IL13RA1: variants seen among roughly 807,000 people sequenced by gnomAD.
IL13RA1 encodes interleukin-13 receptor subunit alpha-1.
A neutral mutation model predicts 33.8 loss-of-function variants in IL13RA1; 14 were observed. The ratio of observed to expected loss-of-function variants is 0.41; its 90% confidence interval spans 0.27 to 0.65. IL13RA1 has a LOEUF of 0.65. IL13RA1 is among the 30% of genes least tolerant of loss of function. The pLI, the probability that IL13RA1 is intolerant of heterozygous loss-of-function variation, is 0.28. For missense variants in IL13RA1, 313 were observed against 327.0 expected (o/e 0.96, Z 0.33); for synonymous variants, 116 against 115.7 (o/e 1.00, Z -0.02).
intron 3 of IL13RA1, 109 bp downstream of exon 3, chrX:118,747,201 C>A: frequency 2.0e-6 from 1 of 490,413 alleles, no homozygotes; most frequent in East Asian, 3.6e-5. Context: ...TTTTCTGAGT[C>A]TAATAAGTGC....
intron 10 of IL13RA1, among the ~76,000 whole-genome samples, chrX:118,782,393 C>G (rs2017854202): frequency 9.0e-6 from 1 of 110,915 alleles, no homozygotes; most frequent in Admixed American, 9.6e-5. Flanking sequence ...CACTTATTAG[C>G]TGACAGGTAT....
At chrX:118,766,489 T>G in intron 6 of IL13RA1, 41 bp from the exon 7 acceptor site, 1 of 692,490 alleles carries the variant, frequency 1.4e-6, no homozygotes, top group Non-Finnish European at 2.3e-6. Flanking sequence ...TTTTTAAACA[T>G]TTAGGACTCA....
the IL13RA1 span, among the ~76,000 whole-genome samples, chrX:118,800,025 G>GT: frequency 1.5e-4 from 16 of 108,748 alleles, no homozygotes; most frequent in African/African-American, 5.4e-4. Flanking sequence ...CTCAAGGTTT[G>GT]TGAGTGCACC....
rs775057143 is a variant in IL13RA1 at position 118,777,030 on chromosome X, C to G, written c.1191+519C>G. 2.5e-3 allele frequency among the ~76,000 whole-genome samples: 263 copies of G among 105,927 alleles called. 1 individual carries two copies. Among genetic ancestry groups the G allele is most frequent in the African/African-American group, 7.5e-3 (218 of 28,946 alleles). 92.0% of individuals were successfully genotyped at this position (105,927 alleles called of 115,157 possible). ...ATATATATATATATATACACACATA[C>G]AGTTTAGTGTCATTAAATACATTTA... is the stretch of plus-strand genomic sequence containing the variant. On this transcript the variant is annotated intron_variant, in intron 10 of 10. Transcript: ENST00000371666.
Position 118,727,732 on chromosome X carries a change from TGCGACCCTC to T in IL13RA1, c.88+8_88+16del. On this transcript the variant is annotated splice_region_variant and intron_variant, in intron 1 of 10. Transcript: ENST00000371666. ...CGGGGGCGCCGCGCCTACGGGTGAG[TGCGACCCTC>T]GGGGCCCGAGGGGCGGCCGGAGGGC... is the stretch of plus-strand genomic sequence containing the variant. The T allele has an allele frequency of 1.2e-6, 1 of 812,262 alleles. No individual in the cohort carries two copies. Among genetic ancestry groups the T allele is most frequent in the Non-Finnish European group, 1.5e-6 (1 of 657,791 alleles). The allele number at this position is 812,262 out of a possible 1,213,427, so 66.9% of individuals were successfully genotyped here. A position where few individuals can be genotyped will look rare whatever the true frequency, so the allele number is the denominator to read the frequency against.
chrX:118,730,673 C>G (rs1359860670), intron 1 of IL13RA1, among the ~76,000 whole-genome samples: 1 of 111,535 alleles, frequency 9.0e-6, no homozygotes, highest in Non-Finnish European at 1.9e-5. Flanking sequence ...AAGGAGGAAG[C>G]AAGCAGGGAG....
chrX:118,746,304 G>A (rs1208631518), intron 2 of IL13RA1, among the ~76,000 whole-genome samples: 1 of 110,613 alleles, frequency 9.0e-6, no homozygotes, highest in Non-Finnish European at 1.9e-5. Flanking sequence ...TTGTACAGAT[G>A]GGGTTTTGCC....
At chrX:118,751,433 TTAAG>T (rs2017468501) in intron 4 of IL13RA1, among the ~76,000 whole-genome samples, 2 of 111,698 alleles carry the variant, frequency 1.8e-5, no homozygotes, top group Admixed American at 1.9e-4. Flanking sequence ...CTGCATTAAA[TTAAG>T]TAAGACAGTG....
chrX:118,771,590 G>C (rs1036729529), intron 8 of IL13RA1, among the ~76,000 whole-genome samples: 2 of 112,319 alleles, frequency 1.8e-5, no homozygotes, highest in African/African-American at 6.5e-5. Flanking sequence ...TGTTCCCAGG[G>C]ACAGTGACAC....
intron 2 of IL13RA1, among the ~76,000 whole-genome samples, chrX:118,741,485 A>T (rs1393595552): frequency 8.9e-6 from 1 of 112,009 alleles, no homozygotes; most frequent in African/African-American, 3.2e-5. Context: ...TTGTATCTAT[A>T]TAACACTTAA....
the IL13RA1 span, among the ~76,000 whole-genome samples, chrX:118,803,930 CTT>C: frequency 1.1e-5 from 1 of 91,734 alleles, no homozygotes; most frequent in East Asian, 3.4e-4. Flanking sequence ...TCCTCTCTCT[CTT>C]TTTTTTCTTT....
intron 8 of IL13RA1, chrX:118,770,241 C>T (rs751538055): frequency 4.2e-5 from 13 of 311,077 alleles, no homozygotes; most frequent in South Asian, 1.7e-4. Flanking sequence ...CCCACTGCGC[C>T]GCCTGCCCAT....
At chrX:118,751,106 C>T (rs2017465683) in intron 4 of IL13RA1, among the ~76,000 whole-genome samples, 2 of 112,044 alleles carry the variant, frequency 1.8e-5, no homozygotes, top group Non-Finnish European at 1.9e-5. Flanking sequence ...CACACCCAGC[C>T]TCAAAAAGTA....
chrX:118,803,046 C>T, the IL13RA1 span, among the ~76,000 whole-genome samples: 1 of 112,361 alleles, frequency 8.9e-6, no homozygotes. Context: ...AGTCCATGTT[C>T]CAAGCCTTTC....
Position 118,762,076 on chromosome X carries a change from G to A in IL13RA1, c.828+787G>A, listed in dbSNP as rs113851962. On this transcript the variant is annotated intron_variant, in intron 6 of 10. Coordinates refer to ENST00000371666, the MANE Select transcript of IL13RA1 (RefSeq NM_001560.3). ...TCAATATTTGTTGGATTATGTGCCT[G>A]TATGCTATTCAGAATCAAATGCAGA... 5.1e-3 allele frequency among the ~76,000 whole-genome samples: 575 copies of A among 112,562 alleles called. 3 individuals carry two copies. The highest frequency in any genetic ancestry group is 0.018 in the African/African-American group (543 of 31,021).
intron 2 of IL13RA1, among the ~76,000 whole-genome samples, chrX:118,742,395 G>A (rs1203950839): frequency 8.9e-6 from 1 of 111,934 alleles, no homozygotes; most frequent in Non-Finnish European, 1.9e-5. Context: ...GGTGATTTTT[G>A]GTAATTGAGC....
chrX:118,800,496 C>G, the IL13RA1 span, among the ~76,000 whole-genome samples: 4 of 110,574 alleles, frequency 3.6e-5, no homozygotes, highest in African/African-American at 1.3e-4. Context: ...CACTCATTAG[C>G]CAGTGAGACC....
At chrX:118,735,198 T>A (rs1039076965) in intron 1 of IL13RA1, among the ~76,000 whole-genome samples, 2 of 110,836 alleles carry the variant, frequency 1.8e-5, no homozygotes, top group Non-Finnish European at 3.8e-5. Context: ...TTTTAGTAAT[T>A]TCAGTCTTCT....
Position 118,729,149 on chromosome X carries a change from G to A in IL13RA1, c.88+1423G>A, listed in dbSNP as rs147857000. 1.1e-3 allele frequency among the ~76,000 whole-genome samples: 120 copies of A among 111,019 alleles called. 1 individual carries two copies. In the East Asian group the frequency reaches 0.03, roughly 28 times the overall value. On this transcript the variant is annotated intron_variant, in intron 1 of 10. Transcript: ENST00000371666. ...GGACATTGCAGTCCAGAGAAGGGAAGGAACTTGTCTAAAGTTACCCGTCTC... is the reference window on the plus strand; with the variant it reads ...GGACATTGCAGTCCAGAGAAGGGAAAGAACTTGTCTAAAGTTACCCGTCTC...
Sources: allele counts gnomAD v4.1 joint callset (sites outside exome capture counted in the v4.1 genomes callset), GRCh38; gene constraint gnomAD v4.1.1; transcripts MANE v1.5; gene names NCBI Gene and HGNC (gene_info 2026-07-23, HGNC 2026-07-21).